ANKRD36: variants seen among roughly 807,000 people sequenced by gnomAD.
ANKRD36 encodes ankyrin repeat domain 36.
Under a neutral mutation model 278.1 loss-of-function variants are expected in ANKRD36, and 179 were observed. The observed-to-expected ratio is 0.64, with a 90% confidence interval of 0.57 to 0.73. The LOEUF (loss-of-function observed/expected upper bound fraction) is 0.73, where lower values mean the gene tolerates loss of function less well. ANKRD36 is among the 30% of genes least tolerant of loss of function. The pLI is 0.00. For missense variants in ANKRD36, 1,159 were observed against 1,956.7 expected (o/e 0.59, Z 7.69); for synonymous variants, 320 against 641.1 (o/e 0.50, Z 7.57).
intron 54 of ANKRD36, among the ~76,000 whole-genome samples, chr2:97,209,435 A>G (rs1402746774): frequency 8.9e-5 from 13 of 146,416 alleles, no homozygotes; most frequent in African/African-American, 3.5e-4. Context: ...ACACGGTTTT[A>G]TTTTAGTTTT....
At chr2:97,121,768 A>G (rs2036932585) in intron 3 of ANKRD36, among the ~76,000 whole-genome samples, 1 of 152,212 alleles carries the variant, frequency 6.6e-6, no homozygotes, top group South Asian at 2.1e-4. Flanking sequence ...TCTGATTGAT[A>G]TTTTACCTAA....
At chr2:97,230,622 G>A (rs572341858) in intron 67 of ANKRD36, among the ~76,000 whole-genome samples, 3 of 152,176 alleles carry the variant, frequency 2.0e-5, no homozygotes, top group East Asian at 3.9e-4. Flanking sequence ...ATCGTCTGAA[G>A]CCTTCTTCTC....
intron 22 of ANKRD36, among the ~76,000 whole-genome samples, chr2:97,172,857 G>GTGTGTGTGTGTGTGTGTGTT (rs1233952119): frequency 6.7e-6 from 1 of 148,824 alleles, no homozygotes; most frequent in Non-Finnish European, 1.5e-5. Flanking sequence ...GTGTGTGTGT[G>GTGTGTGTGTGTGTGTGTGTT]TATGTGTGTG....
At chr2:97,204,845 C>T (rs1040959603) in intron 50 of ANKRD36, among the ~76,000 whole-genome samples, 7 of 151,208 alleles carry the variant, frequency 4.6e-5, no homozygotes, top group African/African-American at 1.7e-4. Context: ...ATTTGATTTT[C>T]GCTGCTCCAG....
In ANKRD36 at chr2:97,222,324, T is replaced by G. The variant is rs1340625406; in HGVS notation, c.3878-2482T>G. Among the ~76,000 whole-genome samples, 7 of 152,220 alleles carry G rather than the reference T, an allele frequency of 4.6e-5. No individual in the cohort carries two copies. In the East Asian group the frequency reaches 1.2e-3, roughly 26 times the overall value. On this transcript the variant is annotated intron_variant, in intron 66 of 75. Coordinates refer to ENST00000420699, the MANE Select transcript of ANKRD36 (RefSeq NM_001354587.1). ...TTTCCAATTCTGTGAAGAGATTTTC[T>G]TGCTTTTGAATCGTTACCTAGCAAT...
intron 1 of ANKRD36, among the ~76,000 whole-genome samples, chr2:97,117,610 T>A (rs1574486162): frequency 6.6e-6 from 1 of 152,102 alleles, no homozygotes. Flanking sequence ...TAATCTTTAA[T>A]AGATACCTCA....
At chr2:97,137,027 G>A (rs992809558) in intron 6 of ANKRD36, among the ~76,000 whole-genome samples, 33 of 152,176 alleles carry the variant, frequency 2.2e-4, no homozygotes, top group Middle Eastern at 3.4e-3. Flanking sequence ...TAATTTTAGT[G>A]TAGCCTCCAA....
chr2:97,169,548 C>T (rs1049383952), intron 22 of ANKRD36, among the ~76,000 whole-genome samples: 2 of 152,296 alleles, frequency 1.3e-5, no homozygotes, highest in South Asian at 2.1e-4. Context: ...ATTGTCTCAG[C>T]CCCAAATCTC....
rs1575270178 is a variant in ANKRD36, at chr2:97,170,912, A to G, written c.1633+3145A>G. Among the ~76,000 whole-genome samples the G allele has an allele frequency of 1.3e-4, 20 of 149,286 alleles. No homozygotes were observed. The South Asian group carries it at 4.3e-3, about 32-fold the overall frequency. On this transcript the variant is annotated intron_variant, in intron 22 of 75. Transcript: ENST00000420699. ...GAAGGACATGAACAGACACTTCTCA[A>G]AAGAAGACATTTATGCAGCCAAAAA...
intron 15 of ANKRD36, among the ~76,000 whole-genome samples, chr2:97,155,891 G>A (rs867173252): frequency 6.8e-6 from 1 of 146,050 alleles, no homozygotes; most frequent in African/African-American, 2.4e-5. Flanking sequence ...CAGGGAAATG[G>A]GCTTTTTTTT....
intron 22 of ANKRD36, among the ~76,000 whole-genome samples, chr2:97,178,528 G>C (rs1292426690): frequency 6.6e-6 from 1 of 151,694 alleles, no homozygotes; most frequent in Non-Finnish European, 1.5e-5. Flanking sequence ...GTCCTTTGAA[G>C]GGACATGGAT....
rs906286241 is a variant in ANKRD36 at position 97,198,606 on chromosome 2, T to C, written c.2703T>C (p.Asp901=). 5.2e-6 allele frequency: 8 copies of C among 1,545,696 alleles called. No individual in the cohort carries two copies. The African/African-American group carries it at 1.1e-4, about 21-fold the overall frequency. Residue 901 remains aspartate, a synonymous_variant, in exon 44 of 76, where the codon GAT becomes GAC. Transcript: ENST00000420699. ...TTCAGGCTTCAAGTGCCGAGAAAGA[T>C]TCTGTTTTGAATATAGCCAGAGGAA... The part of the protein sequence containing the change: ...PGLKASSAEK[D]SVLNIARGKK...
chr2:97,123,081 T>C, intron 4 of ANKRD36, 88 bp downstream of exon 4: 2 of 1,073,982 alleles, frequency 1.9e-6, no homozygotes, highest in Admixed American at 3.1e-5. Context: ...AATATTACAT[T>C]AATAAGAAGA....
intron 6 of ANKRD36, among the ~76,000 whole-genome samples, chr2:97,132,391 A>G (rs2040406071): frequency 6.6e-6 from 1 of 151,272 alleles, no homozygotes; most frequent in East Asian, 1.9e-4. Context: ...ACTATGGGAT[A>G]TATTTTTAAT....
chr2:97,161,288 G>A (rs2048808551), intron 17 of ANKRD36, among the ~76,000 whole-genome samples: 1 of 152,308 alleles, frequency 6.6e-6, no homozygotes, highest in African/African-American at 2.4e-5. Context: ...ATAACACCAA[G>A]AAAGTAGCAA....
rs1395479451 is a variant in ANKRD36 at position 97,158,752 on chromosome 2, A to G, written c.1389+97A>G. The G allele has an allele frequency of 1.1e-5, 14 of 1,237,770 alleles. No individual in the cohort carries two copies. In the Admixed American group the frequency reaches 1.7e-4, roughly 15 times the overall value. The allele number at this position is 1,237,770 out of a possible 1,614,324, so 76.7% of individuals were successfully genotyped here. A position where few individuals can be genotyped will look rare whatever the true frequency, so the allele number is the denominator to read the frequency against. On this transcript the variant is annotated intron_variant, in intron 17 of 75. Coordinates refer to ENST00000420699, the MANE Select transcript of ANKRD36 (RefSeq NM_001354587.1). Reference sequence around the variant, plus strand: ...TCTGTTAATGATCTTTAGTTTTACAATGGTAAATTGTTTTATTTGGAAAAT... The same window carrying G: ...TCTGTTAATGATCTTTAGTTTTACAGTGGTAAATTGTTTTATTTGGAAAAT...
At chr2:97,208,878 A>G (rs542850654) in intron 54 of ANKRD36, among the ~76,000 whole-genome samples, 3 of 146,976 alleles carry the variant, frequency 2.0e-5, no homozygotes, top group East Asian at 3.9e-4. Context: ...CTCCTAAAAT[A>G]GTCATTTTCA....
chr2:97,136,575 C>T (rs2041570561), intron 6 of ANKRD36, among the ~76,000 whole-genome samples: 1 of 151,772 alleles, frequency 6.6e-6, no homozygotes, highest in East Asian at 1.9e-4. Flanking sequence ...ACACAATCCC[C>T]AAGTAGGTAG....
intron 22 of ANKRD36, 66 bp from the exon 23 acceptor site, chr2:97,179,672 C>T (rs2055538217): frequency 6.3e-7 from 1 of 1,588,028 alleles, no homozygotes; most frequent in Non-Finnish European, 8.5e-7. Flanking sequence ...GCTATCCATG[C>T]ATTTATGTAT....
Sources: gnomAD v4.1 joint callset for allele counts (sites outside exome capture counted in the v4.1 genomes callset) on GRCh38, gnomAD v4.1.1 for gene constraint, MANE v1.5 for transcripts, NCBI Gene and HGNC (gene_info 2026-07-23, HGNC 2026-07-21) for gene names.